LDLRAD4: variants seen among roughly 807,000 people sequenced by gnomAD.
LDLRAD4 encodes low-density lipoprotein receptor class A domain-containing protein 4.
A neutral mutation model predicts 17.0 loss-of-function variants in LDLRAD4; 5 were observed. The observed-to-expected ratio is 0.29, with a 90% CI of 0.15 to 0.62. The LOEUF (loss-of-function observed/expected upper bound fraction) is 0.62. Ranked by LOEUF, LDLRAD4 falls within the 20% of genes least tolerant of loss-of-function variation. The probability of loss-of-function intolerance (pLI) is 0.84; values close to 1 mark genes in which losing one functional copy is unlikely to be tolerated. For synonymous variants in LDLRAD4, 168 were observed against 171.8 expected, an observed-to-expected ratio of 0.98 and a Z score of 0.17; for missense variants, 340 against 424.7, an observed-to-expected ratio of 0.80 and a Z score of 1.75.
intron 3 of LDLRAD4, among the ~76,000 whole-genome samples, chr18:13,593,620 GTCTA>G (rs764654730): frequency 3.2e-4 from 48 of 152,162 alleles, no homozygotes; most frequent in Non-Finnish European, 4.7e-4. Flanking sequence ...TTATATATCT[GTCTA>G]TCTAGCTAGC....
chr18:13,444,855 G>A (rs1266727762), intron 3 of LDLRAD4, among the ~76,000 whole-genome samples: 1 of 152,212 alleles, frequency 6.6e-6, no homozygotes, highest in Non-Finnish European at 1.5e-5. Context: ...TTGCTTGCAA[G>A]GCCTAGTACC....
chr18:13,627,685 G>C (rs952503425), intron 4 of LDLRAD4, among the ~76,000 whole-genome samples: 10 of 152,182 alleles, frequency 6.6e-5, no homozygotes, highest in African/African-American at 2.2e-4. Context: ...GCCTGACATG[G>C]TCACTCGTGG....
rs77106505 is a variant in LDLRAD4 at position 13,502,733 on chromosome 18, C to A, written c.181+64349C>A. On this transcript the variant is annotated intron_variant, in intron 3 of 5. Coordinates refer to ENST00000359446, the Ensembl canonical transcript of LDLRAD4. ...ACTGGGAGGACTGTACGGGCCACAC[C>A]CATGGACGTGATCTGTCTATGAAAC... Among the ~76,000 whole-genome samples, 828 of 152,322 alleles carry A rather than the reference C, an allele frequency of 5.4e-3. 7 individuals carry two copies. The highest frequency in any genetic ancestry group is 0.019 in the African/African-American group (784 of 41,572).
At chr18:13,648,911 A>G (rs577766042) in exon 6 of LDLRAD4, 2 of 152,202 alleles carry the variant, frequency 1.3e-5, no homozygotes, top group Non-Finnish European at 2.9e-5. Context: ...ATACTGACGC[A>G]ATCCTTAATG....
intron 1 of LDLRAD4, among the ~76,000 whole-genome samples, chr18:13,330,344 T>C (rs2081787758): frequency 1.3e-5 from 2 of 152,180 alleles, no homozygotes; most frequent in South Asian, 4.1e-4. Context: ...TTTTCAAAAA[T>C]GTGGTATTTT....
At chr18:13,578,940 C>G (rs1400111257) in intron 3 of LDLRAD4, among the ~76,000 whole-genome samples, 1 of 146,362 alleles carries the variant, frequency 6.8e-6, no homozygotes, top group African/African-American at 2.5e-5. Context: ...CCTATAATCC[C>G]AGCACTTTGA....
At chr18:13,307,453 T>C (rs2046981906) in intron 1 of LDLRAD4, among the ~76,000 whole-genome samples, 1 of 152,212 alleles carries the variant, frequency 6.6e-6, no homozygotes, top group Non-Finnish European at 1.5e-5. Flanking sequence ...GGTCTTGCAG[T>C]GTTGCCCAGG....
intron 1 of LDLRAD4, among the ~76,000 whole-genome samples, chr18:13,249,628 C>A (rs532456674): frequency 1.1e-4 from 17 of 150,260 alleles, no homozygotes; most frequent in Non-Finnish European, 2.2e-4. Flanking sequence ...TGTTTGAGTT[C>A]CTTGTATATT....
intron 3 of LDLRAD4, among the ~76,000 whole-genome samples, chr18:13,485,573 A>G (rs1225900677): frequency 6.6e-6 from 1 of 152,226 alleles, no homozygotes; most frequent in East Asian, 1.9e-4. Context: ...CACTTGTAGA[A>G]CAGAGATGTG....
At chr18:13,601,515 A>G (rs2095161203) in intron 3 of LDLRAD4, among the ~76,000 whole-genome samples, 1 of 152,060 alleles carries the variant, frequency 6.6e-6, no homozygotes, top group Non-Finnish European at 1.5e-5. Flanking sequence ...ACTTCCGGGC[A>G]TGGTGGCGGG....
chr18:13,285,967 T>A (rs1219564489), intron 1 of LDLRAD4, among the ~76,000 whole-genome samples: 1 of 152,248 alleles, frequency 6.6e-6, no homozygotes, highest in Admixed American at 6.5e-5. Flanking sequence ...ATTTTAACCA[T>A]TTTTAAGCGT....
chr18:13,645,573 C>T lies in LDLRAD4; in HGVS notation c.837C>T (p.Ser279=). 1.2e-6 allele frequency: 2 copies of T among 1,602,738 alleles called. No individual in the cohort carries two copies. Among genetic ancestry groups the T allele is most frequent in the Non-Finnish European group, 1.7e-6 (2 of 1,174,964 alleles). The change falls in exon 6 of 6, where the codon AGC becomes AGT. Residue 279 remains serine, a synonymous_variant. Coordinates refer to ENST00000359446, the Ensembl canonical transcript of LDLRAD4. This position sits in a 1 kb window ranked among gnomAD's most constrained non-coding sequence, Gnocchi z 5.7. Reference sequence around the variant, plus strand: ...AGCGCAGCAACGCACACAGGGGCAGCAGACTGCAGTTTCAGCAGAACAATG... The same window carrying T: ...AGCGCAGCAACGCACACAGGGGCAGTAGACTGCAGTTTCAGCAGAACAATG...
At position 13,440,885 on chromosome 18, in the gene LDLRAD4, C is replaced by T. The variant is rs2090980889; in HGVS notation, c.181+2501C>T. Among the ~76,000 whole-genome samples the T allele has an allele frequency of 6.6e-6, 1 of 152,236 alleles. No individual in the cohort carries two copies. The highest frequency in any genetic ancestry group is 1.5e-5 in the Non-Finnish European group (1 of 68,044). The stretch of plus-strand genomic sequence containing the variant: ...ACGGGTGTCCACAAGTGCACTTGCC[C>T]AGTGATCCTGGATGATTCTCCCTAT... On this transcript the variant is annotated intron_variant, in intron 3 of 5. Transcript: ENST00000359446. This position sits in a 1 kb window ranked among gnomAD's most constrained non-coding sequence, Gnocchi z 4.4.
intron 2 of LDLRAD4, among the ~76,000 whole-genome samples, chr18:13,423,326 C>G (rs1428971294): frequency 1.3e-5 from 2 of 152,042 alleles, no homozygotes; most frequent in East Asian, 3.9e-4. Flanking sequence ...AACTCTGTCT[C>G]TACTAAAAAT....
At chr18:13,543,039 A>C (rs2094308663) in intron 3 of LDLRAD4, 1 of 152,224 alleles carries the variant, frequency 6.6e-6, no homozygotes, top group Non-Finnish European at 1.5e-5. Context: ...CACCTGGAGC[A>C]GCCAGAGGAC....
intron 3 of LDLRAD4, among the ~76,000 whole-genome samples, chr18:13,462,910 TC>T (rs1364954427): frequency 1.3e-5 from 2 of 152,164 alleles, no homozygotes; most frequent in Non-Finnish European, 2.9e-5. Flanking sequence ...GCGGAGATGT[TC>T]CTGGAAGCCT....
At chr18:13,550,260 A>G (rs552096072) in intron 3 of LDLRAD4, among the ~76,000 whole-genome samples, 4 of 152,360 alleles carry the variant, frequency 2.6e-5, no homozygotes, top group Admixed American at 6.5e-5. Context: ...ATAAAAACAC[A>G]GAGCCCTGAG....
chr18:13,453,473 G>C (rs186459468), intron 3 of LDLRAD4, among the ~76,000 whole-genome samples: 38 of 152,220 alleles, frequency 2.5e-4, no homozygotes, highest in African/African-American at 8.7e-4. Flanking sequence ...CTCAAGCCTG[G>C]TTTTTCGCAG....
At chr18:13,441,037 C>T (rs900025186) in intron 3 of LDLRAD4, among the ~76,000 whole-genome samples, 7 of 152,162 alleles carry the variant, frequency 4.6e-5, no homozygotes, top group Non-Finnish European at 8.8e-5. Flanking sequence ...CGGGTTGCCT[C>T]TGGATTGTTC....
Sources: allele counts gnomAD v4.1 joint callset (sites outside exome capture counted in the v4.1 genomes callset), GRCh38; gene constraint gnomAD v4.1.1; non-coding constraint Gnocchi (gnomAD v3.1); transcripts MANE v1.5; gene names NCBI Gene and HGNC (gene_info 2026-07-23, HGNC 2026-07-21).